The following UGT1A9 variants were observed in gnomAD, a reference collection of about 807,000 sequenced individuals.
UGT1A9 encodes UDP glucuronosyltransferase family 1 member A9.
In UGT1A9, 35 loss-of-function variants were observed where a neutral mutation model predicts 45.0. The ratio of observed to expected loss-of-function variants is 0.78; its 90% CI spans 0.59 to 1.03. The LOEUF (loss-of-function observed/expected upper bound fraction) is 1.03, where lower values mean the gene tolerates loss of function less well. Among genes scored for constraint, UGT1A9 ranks in the 50% least tolerant of loss-of-function variants. UGT1A9 has a pLI of 0.00. For missense variants in UGT1A9, 687 were observed against 666.6 expected (o/e 1.03, Z -0.34); for synonymous variants, 278 against 250.6 (o/e 1.11, Z -1.03).
At chr2:233,732,848 A>G (rs1171011908) in intron 1 of UGT1A9, among the ~76,000 whole-genome samples, 1 of 145,490 alleles carries the variant, frequency 6.9e-6, no homozygotes, top group African/African-American at 2.6e-5. Context: ...CAATTTTGTG[A>G]AGTCATTGGT....
chr2:233,718,771 A>G, intron 1 of UGT1A9: 1 of 1,612,862 alleles, frequency 6.2e-7, no homozygotes, highest in African/African-American at 1.3e-5. Context: ...AAACAAATGT[A>G]GCAGGCACAG....
chr2:233,749,994 T>C (rs551997072), intron 1 of UGT1A9, among the ~76,000 whole-genome samples: 1 of 151,898 alleles, frequency 6.6e-6, no homozygotes, highest in South Asian at 2.1e-4. Context: ...GACTAATATA[T>C]TAAATTGGTG....
intron 1 of UGT1A9, among the ~76,000 whole-genome samples, chr2:233,687,020 T>A (rs551595106): frequency 2.6e-5 from 4 of 152,192 alleles, no homozygotes; most frequent in Admixed American, 1.3e-4. Context: ...CTTTAGGAGG[T>A]GGTTCAATGT....
At position 233,767,893 on chromosome 2, in the gene UGT1A9, CA is replaced by C. The variant is rs745655794; in HGVS notation, c.1034del (p.Asn345ThrfsTer18). ...TGTRPSNLAN[N>X]TILVKWLPQN... ...GAACCCGACCATCGAATCTTGCGAA[CA>C]ACACGATACTTGTTAAGTGGCTACC... On this transcript the variant is annotated frameshift_variant, in exon 3 of 5. Coordinates refer to ENST00000354728, the MANE Select transcript of UGT1A9 (RefSeq NM_021027.3). LOFTEE classifies it high-confidence loss of function. The C allele has an allele frequency of 3.1e-6, 5 of 1,614,158 alleles. No individual in the cohort carries two copies. In the South Asian group the frequency reaches 5.5e-5, roughly 18 times the overall value.
At chr2:233,724,564 C>T (rs1389770711) in intron 1 of UGT1A9, among the ~76,000 whole-genome samples, 17 of 122,772 alleles carry the variant, frequency 1.4e-4, no homozygotes, top group African/African-American at 2.4e-4. Flanking sequence ...CCAGATGGGG[C>T]GGCGGGGCAG....
chr2:233,715,439 T>C (rs1470387805), intron 1 of UGT1A9, among the ~76,000 whole-genome samples: 2 of 152,158 alleles, frequency 1.3e-5, no homozygotes, highest in East Asian at 3.9e-4. Flanking sequence ...GTAATGTGAC[T>C]CCTATGTTAT....
intron 1 of UGT1A9, among the ~76,000 whole-genome samples, chr2:233,676,632 G>C (rs1392619679): frequency 6.6e-6 from 1 of 152,150 alleles, no homozygotes; most frequent in Admixed American, 6.6e-5. Context: ...CGGTTTCTCA[G>C]ACTCTCCTTG....
In UGT1A9 at chr2:233,769,703, A is replaced by G. The variant is rs1416273085; in HGVS notation, c.1295+1264A>G. 46 of 1,521,058 alleles carry G rather than the reference A, an allele frequency of 3.0e-5. No individual in the cohort carries two copies. Among genetic ancestry groups the G allele is most frequent in the Non-Finnish European group, 3.6e-5 (41 of 1,133,112 alleles). 94.2% of individuals were successfully genotyped at this position (1,521,058 alleles called of 1,614,324 possible). A position where few individuals can be genotyped will look rare whatever the true frequency, so the allele number is the denominator to read the frequency against. ...TGTGGTGGCACTGGATAAAAGATCA[A>G]TGTTGGCTAGGCACCATGGCACACG... On this transcript the variant is annotated intron_variant, in intron 4 of 4. Coordinates refer to ENST00000354728, the MANE Select transcript of UGT1A9 (RefSeq NM_021027.3). The surrounding 1 kb of genome is among the most constrained non-coding windows in gnomAD (Gnocchi z 4.4).
intron 1 of UGT1A9, among the ~76,000 whole-genome samples, chr2:233,715,799 G>A (rs2076471027): frequency 6.6e-6 from 1 of 152,116 alleles, no homozygotes; most frequent in African/African-American, 2.4e-5. Context: ...TTTGGAATGT[G>A]AAAATCTTGT....
In UGT1A9 at chr2:233,743,160, T is replaced by C. The variant is rs191127881; in HGVS notation, c.856-23874T>C. On this transcript the variant is annotated intron_variant, in intron 1 of 4. Coordinates refer to ENST00000354728, the MANE Select transcript of UGT1A9 (RefSeq NM_021027.3). ...AAAAAAAGTCCGCTATTCCTCCAGA[T>C]GTGCTTAAAGTCAAATGTGGACTGG... The C allele has an allele frequency of 3.8e-4, 139 of 361,394 alleles. 1 individual carries two copies. Among genetic ancestry groups the C allele is most frequent in the Middle Eastern group, 7.9e-4 (2 of 2,540 alleles). 22.4% of individuals were successfully genotyped at this position (361,394 alleles called of 1,614,324 possible). A position where few individuals can be genotyped will look rare whatever the true frequency, so the allele number is the denominator to read the frequency against.
intron 1 of UGT1A9, among the ~76,000 whole-genome samples, chr2:233,762,246 C>T (rs569266202): frequency 2.4e-4 from 36 of 152,288 alleles, no homozygotes; most frequent in African/African-American, 8.2e-4. Flanking sequence ...ACAGAATAGG[C>T]ACCCACCGAA....
intron 1 of UGT1A9, among the ~76,000 whole-genome samples, chr2:233,725,279 GGCAGAGGCAGAGGCA>G (rs1325326342): frequency 1.4e-4 from 6 of 44,284 alleles, no homozygotes; most frequent in East Asian, 3.0e-3. Context: ...CAGAGGCAGA[GGCAGAGGCAGAGGCA>G]GAGGCAGAGG....
In UGT1A9 at chr2:233,767,014, A is replaced by C. The variant is rs1355233349; in HGVS notation, c.856-20A>C. The C allele has an allele frequency of 5.6e-6, 9 of 1,613,832 alleles. No individual in the cohort carries two copies. Among genetic ancestry groups the C allele is most frequent in the Non-Finnish European group, 1.7e-6 (2 of 1,179,972 alleles). On this transcript the variant is annotated intron_variant, in intron 1 of 4. Coordinates refer to ENST00000354728, the MANE Select transcript of UGT1A9 (RefSeq NM_021027.3). ...AGAATATGAGAAAAAATTAACTGAA[A>C]ATTTTTCTTCTGGCTCTAGGAATTT...
At chr2:233,766,993 T>C in intron 1 of UGT1A9, 41 bp from the exon 2 acceptor site, 1 of 1,613,496 alleles carries the variant, frequency 6.2e-7, no homozygotes, top group South Asian at 1.1e-5. Context: ...CATCAAAGAA[T>C]ATGAGAAAAA....
intron 1 of UGT1A9, chr2:233,721,662 A>AG (rs2076961338): frequency 4.1e-6 from 1 of 245,624 alleles, no homozygotes; most frequent in Non-Finnish European, 8.2e-6. Context: ...GGGTCATGTA[A>AG]GGGTTAATCC....
At chr2:233,728,691 G>A (rs2077742456) in intron 1 of UGT1A9, among the ~76,000 whole-genome samples, 1 of 152,170 alleles carries the variant, frequency 6.6e-6, no homozygotes, top group South Asian at 2.1e-4. Flanking sequence ...AAGTTTCAAG[G>A]GTTAGCAAAT....
In UGT1A9 at chr2:233,693,825, T is replaced by C. The variant is rs753049061; in HGVS notation, c.855+21036T>C. ...CCGGTCATGCCCAACATGGTCTTCA[T>C]TGGAGGTATCAACTGTAAGAAGAGG... On this transcript the variant is annotated intron_variant, in intron 1 of 4. Transcript: ENST00000354728. 3.5e-5 allele frequency: 57 copies of C among 1,614,084 alleles called. No homozygotes were observed. In the Admixed American group the frequency reaches 7.7e-4, roughly 22 times the overall value.
chr2:233,719,080 A>T (rs1329829423), intron 1 of UGT1A9: 1 of 1,614,142 alleles, frequency 6.2e-7, no homozygotes, highest in East Asian at 2.2e-5. Flanking sequence ...TGGACCCAGA[A>T]GGAATTTGAT....
rs199786512 is a variant in UGT1A9 at position 233,769,592 on chromosome 2, C to A, written c.1295+1153C>A. The A allele has an allele frequency of 6.2e-7, 1 of 1,612,706 alleles. No homozygotes were observed. The highest frequency in any genetic ancestry group is 1.3e-5 in the African/African-American group (1 of 74,904). On this transcript the variant is annotated intron_variant, in intron 4 of 4. Coordinates refer to ENST00000354728, the MANE Select transcript of UGT1A9 (RefSeq NM_021027.3). The surrounding 1 kb of genome is among the most constrained non-coding windows in gnomAD (Gnocchi z 4.4). Reference sequence around the variant, plus strand: ...TGGAGCATGTTCAGATGAGAGGAGACGGAACACGGGGACACACCAGCTTGA... The same window carrying A: ...TGGAGCATGTTCAGATGAGAGGAGAAGGAACACGGGGACACACCAGCTTGA...
Sources: allele counts gnomAD v4.1 joint callset (sites outside exome capture counted in the v4.1 genomes callset), GRCh38; gene constraint gnomAD v4.1.1; non-coding constraint Gnocchi (gnomAD v3.1); transcripts MANE v1.5; gene names NCBI Gene and HGNC (gene_info 2026-07-23, HGNC 2026-07-21).